Variants in GNAZ observed in about 807,000 individuals in gnomAD.
GNAZ encodes the protein G protein subunit alpha z, also known as guanine nucleotide-binding protein G(z) subunit alpha.
Under a neutral mutation model 25.4 loss-of-function variants are expected in GNAZ, and 3 were observed. That is an observed-to-expected ratio of 0.12 (90% CI 0.05 to 0.30). GNAZ has a LOEUF of 0.30. GNAZ is among the 10% of genes least tolerant of loss of function. The probability of loss-of-function intolerance (pLI) is 1.00; values close to 1 mark genes in which losing one functional copy is unlikely to be tolerated. For missense variants in GNAZ, 241 were observed against 501.8 expected (o/e 0.48, Z 4.97); for synonymous variants, 211 against 205.7 (o/e 1.03, Z -0.22).
intron 1 of GNAZ, among the ~76,000 whole-genome samples, chr22:23,083,329 G>A (rs764325054): frequency 3.9e-5 from 6 of 152,056 alleles, no homozygotes; most frequent in Non-Finnish European, 7.4e-5. Context: ...GGGATATCAC[G>A]GGCTCCAGGA....
intron 1 of GNAZ, among the ~76,000 whole-genome samples, chr22:23,091,639 C>T (rs1358624546): frequency 6.6e-6 from 1 of 152,108 alleles, no homozygotes; most frequent in Admixed American, 6.5e-5. Flanking sequence ...GACCTGCATA[C>T]ACACTGGCAC....
chr22:23,092,124 T>TC (rs57082231), intron 1 of GNAZ, among the ~76,000 whole-genome samples: 53,267 of 152,000 alleles, frequency 0.35, 10,269 homozygotes, highest in African/African-American at 0.52. Context: ...AATGTGGTCA[T>TC]CAACTCTTGG....
rs754601776 is a variant in GNAZ, at chr22:23,096,427, G to A, written c.723+9G>A. 1.9e-5 allele frequency: 31 copies of A among 1,591,954 alleles called. No homozygotes were observed. The highest frequency in any genetic ancestry group is 2.3e-5 in the Non-Finnish European group (27 of 1,171,290). On this transcript the variant is annotated intron_variant, in intron 2 of 2. Coordinates refer to ENST00000615612, the MANE Select transcript of GNAZ (RefSeq NM_002073.4). Reference sequence around the variant, plus strand: ...ACGAGGATAACCAGACAGTAAGTGGGGCCGGGGGTTTTCCTCTGCTTGTTC... The same window carrying A: ...ACGAGGATAACCAGACAGTAAGTGGAGCCGGGGGTTTTCCTCTGCTTGTTC...
At chr22:23,075,166 G>C (rs952353969) in intron 1 of GNAZ, among the ~76,000 whole-genome samples, 5 of 152,112 alleles carry the variant, frequency 3.3e-5, no homozygotes, top group Admixed American at 6.5e-5. Context: ...TGGAGGGTGG[G>C]CCCGCAACCT....
intron 1 of GNAZ, chr22:23,070,862 A>T (rs2068348261): frequency 6.6e-6 from 1 of 151,286 alleles, no homozygotes; most frequent in African/African-American, 2.4e-5. Flanking sequence ...GGGTGGACAG[A>T]GGGCGCCGGG....
chr22:23,101,968 T>C (rs2069314167), intron 2 of GNAZ, among the ~76,000 whole-genome samples: 1 of 152,162 alleles, frequency 6.6e-6, no homozygotes, highest in African/African-American at 2.4e-5. Context: ...CCTGGCTTCC[T>C]CTCTATGGCC....
At chr22:23,122,812 A>G (rs1460063685) in intron 2 of GNAZ, 2 of 522,336 alleles carry the variant, frequency 3.8e-6, no homozygotes, top group African/African-American at 3.8e-5. Flanking sequence ...CCAAAGCTAT[A>G]TGTTGAGATC....
chr22:23,100,156 G>T (rs2069254431), intron 2 of GNAZ, among the ~76,000 whole-genome samples: 1 of 152,256 alleles, frequency 6.6e-6, no homozygotes, highest in African/African-American at 2.4e-5. Flanking sequence ...ATGAGGGTGA[G>T]CACAACTCTC....
At chr22:23,084,930 G>A (rs1404753262) in intron 1 of GNAZ, among the ~76,000 whole-genome samples, 1 of 152,240 alleles carries the variant, frequency 6.6e-6, no homozygotes, top group East Asian at 1.9e-4. Context: ...ACGTCCAGGT[G>A]CCATTGCACA....
chr22:23,073,059 G>C (rs1468120800), intron 1 of GNAZ, among the ~76,000 whole-genome samples: 1 of 152,248 alleles, frequency 6.6e-6, no homozygotes, highest in East Asian at 1.9e-4. Flanking sequence ...CATGTGTGCG[G>C]CTTCCTCCCC....
intron 2 of GNAZ, among the ~76,000 whole-genome samples, chr22:23,117,778 C>T (rs2069894427): frequency 6.6e-6 from 1 of 152,238 alleles, no homozygotes; most frequent in South Asian, 2.1e-4. Context: ...GCAGCATGCA[C>T]CGGCAGTGAG....
chr22:23,123,551 C>CCCTTGGCCTCTGCCT lies in GNAZ; in HGVS notation c.*129_*143dup, dbSNP rs2070092486. 6 of 638,784 alleles carry CCCTTGGCCTCTGCCT rather than the reference C, an allele frequency of 9.4e-6. No individual in the cohort carries two copies. The highest frequency in any genetic ancestry group is 1.1e-5 in the Non-Finnish European group (4 of 366,534). The allele number at this position is 638,784 out of a possible 1,614,324, so 39.6% of individuals were successfully genotyped here. On this transcript the variant is annotated 3_prime_UTR_variant, in exon 3 of 3. Transcript: ENST00000615612. ...AGGGGGCCTAAAGAATGTCCCCCAC[C>CCCTTGGCCTCTGCCT]CCTTGGCCTCTGCCTCCTTGGCCCC...
At chr22:23,087,517 C>T (rs574329839) in intron 1 of GNAZ, among the ~76,000 whole-genome samples, 265 of 152,280 alleles carry the variant, frequency 1.7e-3, no homozygotes, top group Non-Finnish European at 2.1e-3. Flanking sequence ...CTAGACAGAG[C>T]CGATTCTTCA....
intron 2 of GNAZ, among the ~76,000 whole-genome samples, chr22:23,114,959 G>A (rs1334278216): frequency 3.3e-5 from 5 of 152,246 alleles, no homozygotes; most frequent in Admixed American, 3.3e-4. Flanking sequence ...GAAGCTGGCA[G>A]GGCTGGGGGT....
intron 1 of GNAZ, among the ~76,000 whole-genome samples, chr22:23,091,552 A>G (rs1387621559): frequency 6.6e-6 from 1 of 151,024 alleles, no homozygotes; most frequent in Non-Finnish European, 1.5e-5. Context: ...ACAGGGAGCT[A>G]TGCATACATG....
In GNAZ at chr22:23,080,429, C is replaced by A. The variant is rs1357361154; in HGVS notation, c.-450+9859C>A. On this transcript the variant is annotated intron_variant, in intron 1 of 2. Transcript: ENST00000615612. ...AGGACACTGGGAGGCCCAGCCGGGG[C>A]ATAGCCTGGGGTTGTCTGTAGGATG... Among the ~76,000 whole-genome samples, 3 of 152,214 alleles carry A rather than the reference C, an allele frequency of 2.0e-5. No individual in the cohort carries two copies. The East Asian group carries it at 5.8e-4, about 29-fold the overall frequency.
chr22:23,120,048 T>G (rs1444943990), intron 2 of GNAZ, among the ~76,000 whole-genome samples: 2 of 152,180 alleles, frequency 1.3e-5, no homozygotes, highest in Admixed American at 6.5e-5. Flanking sequence ...GAGATGTTTG[T>G]CTGTCCTGAT....
intron 2 of GNAZ, among the ~76,000 whole-genome samples, chr22:23,114,932 G>A (rs2069780265): frequency 1.3e-5 from 2 of 152,220 alleles, no homozygotes; most frequent in African/African-American, 2.4e-5. Context: ...AGTGGGGACT[G>A]CCATGAAGGC....
At chr22:23,075,717 A>G (rs140689494) in intron 1 of GNAZ, among the ~76,000 whole-genome samples, 1,789 of 151,872 alleles carry the variant, frequency 0.012, 15 homozygotes, top group Non-Finnish European at 0.019. Flanking sequence ...CCAGAAACAC[A>G]CCCCGTCCCC....
Sources: gnomAD v4.1 joint callset for allele counts (sites outside exome capture counted in the v4.1 genomes callset) on GRCh38, gnomAD v4.1.1 for gene constraint, MANE v1.5 for transcripts, NCBI Gene and HGNC (gene_info 2026-07-23, HGNC 2026-07-21) for gene names.